The following FAM210A variants were observed in gnomAD, a reference collection of about 807,000 sequenced individuals.
The protein encoded by FAM210A is family with sequence similarity 210 member A.
A neutral mutation model predicts 25.3 loss-of-function variants in FAM210A; 13 were observed. The observed-to-expected ratio is 0.51, with a 90% confidence interval of 0.33 to 0.82. The LOEUF (loss-of-function observed/expected upper bound fraction) is 0.82, where lower values mean the gene tolerates loss of function less well. Among genes scored for constraint, FAM210A ranks in the 40% least tolerant of loss-of-function variants. The pLI is 0.02. For synonymous variants in FAM210A, 125 were observed against 118.7 expected, an observed-to-expected ratio of 1.05 and a Z score of -0.35; for missense variants, 319 against 323.2, an observed-to-expected ratio of 0.99 and a Z score of 0.10.
intron 1 of FAM210A, among the ~76,000 whole-genome samples, chr18:13,698,122 GC>G (rs1601958261): frequency 6.6e-6 from 1 of 152,038 alleles, no homozygotes; most frequent in Admixed American, 6.5e-5. Flanking sequence ...GGAGGCTGAG[GC>G]AGGTGGCTCA....
At chr18:13,700,723 C>G (rs2043732466) in intron 1 of FAM210A, among the ~76,000 whole-genome samples, 2 of 152,182 alleles carry the variant, frequency 1.3e-5, no homozygotes, top group South Asian at 4.1e-4. Context: ...CTCCATACTT[C>G]TATATTTGAG....
At chr18:13,699,655 A>C (rs1040439134) in intron 1 of FAM210A, among the ~76,000 whole-genome samples, 5 of 152,206 alleles carry the variant, frequency 3.3e-5, no homozygotes, top group Admixed American at 6.5e-5. Context: ...GGTTGCAGGA[A>C]GAATGGAGGC....
intron 3 of FAM210A, among the ~76,000 whole-genome samples, chr18:13,671,397 A>G (rs1242194527): frequency 1.3e-5 from 2 of 152,228 alleles, no homozygotes; most frequent in Non-Finnish European, 2.9e-5. Context: ...TAAAATAATT[A>G]TATCTCCATT....
intron 1 of FAM210A, among the ~76,000 whole-genome samples, chr18:13,697,050 C>A (rs1450677415): frequency 2.6e-5 from 4 of 152,192 alleles, no homozygotes; most frequent in Admixed American, 2.6e-4. Context: ...CAATTGCTTA[C>A]AGTATTCAGT....
intron 2 of FAM210A, among the ~76,000 whole-genome samples, chr18:13,681,302 A>G (rs1218616709): frequency 1.3e-5 from 2 of 152,180 alleles, no homozygotes; most frequent in Non-Finnish European, 1.5e-5. Flanking sequence ...GGAAAAGCTG[A>G]ACTATTTTTA....
In FAM210A at chr18:13,685,234, C is replaced by T. The variant is rs184515460; in HGVS notation, c.-28-3129G>A. Among the ~76,000 whole-genome samples the T allele has an allele frequency of 6.6e-5, 10 of 151,710 alleles. No homozygotes were observed. The East Asian group carries it at 1.9e-3, about 29-fold the overall frequency. On this transcript the variant is annotated intron_variant, in intron 1 of 3. Transcript: ENST00000651643. ...TCACATGACAGATAGAGAAGGAAAT[C>T]AAAATATCTTACCCCAAAACACGTT...
At chr18:13,672,787 A>G (rs2043454496) in intron 2 of FAM210A, among the ~76,000 whole-genome samples, 1 of 152,250 alleles carries the variant, frequency 6.6e-6, no homozygotes, top group Non-Finnish European at 1.5e-5. Context: ...GTTATTATGC[A>G]AAGAATAAAC....
At chr18:13,693,490 C>A (rs2043667079) in intron 1 of FAM210A, among the ~76,000 whole-genome samples, 1 of 152,174 alleles carries the variant, frequency 6.6e-6, no homozygotes, top group African/African-American at 2.4e-5. Context: ...ATGGAAAAGT[C>A]CTCAATAAAA....
At chr18:13,682,232 A>C in intron 1 of FAM210A, 127 bp from the exon 2 acceptor site, 1 of 661,614 alleles carries the variant, frequency 1.5e-6, no homozygotes, top group East Asian at 2.8e-5. Context: ...ATCCACAAAA[A>C]CTGATGTTAG....
chr18:13,690,782 T>C lies in FAM210A; in HGVS notation c.-28-8677A>G, dbSNP rs577784897. Among the ~76,000 whole-genome samples, 7 of 152,166 alleles carry C rather than the reference T, an allele frequency of 4.6e-5. No homozygotes were observed. In the South Asian group the frequency reaches 1.2e-3, roughly 27 times the overall value. On this transcript the variant is annotated intron_variant, in intron 1 of 3. Transcript: ENST00000651643. ...CACCATCATCAAGACCAAAGGTAGATAAAACAACAAAGAAGGGGAGAAACC... is the reference window on the plus strand; with the variant it reads ...CACCATCATCAAGACCAAAGGTAGACAAAACAACAAAGAAGGGGAGAAACC...
chr18:13,680,864 T>C (rs1466975562), intron 2 of FAM210A, among the ~76,000 whole-genome samples: 3 of 152,154 alleles, frequency 2.0e-5, no homozygotes, highest in African/African-American at 7.2e-5. Flanking sequence ...AGCAAATAAC[T>C]TACCTTAAGG....
chr18:13,687,489 C>T (rs34322650), intron 1 of FAM210A, among the ~76,000 whole-genome samples: 4 of 152,078 alleles, frequency 2.6e-5, no homozygotes, highest in South Asian at 2.1e-4. Context: ...ACGAGTGAGC[C>T]GGGCACATGC....
chr18:13,673,087 C>A (rs1219036967), intron 2 of FAM210A, among the ~76,000 whole-genome samples: 1 of 151,054 alleles, frequency 6.6e-6, no homozygotes, highest in Middle Eastern at 3.6e-3. Flanking sequence ...TTCTTTATTT[C>A]CAATTTTCTG....
At chr18:13,690,965 A>G (rs372203156) in intron 1 of FAM210A, among the ~76,000 whole-genome samples, 7 of 152,232 alleles carry the variant, frequency 4.6e-5, no homozygotes, top group Admixed American at 2.0e-4. Context: ...TCCAAGCTAA[A>G]GGAAGATGTT....
At chr18:13,690,343 C>T (rs979558907) in intron 1 of FAM210A, among the ~76,000 whole-genome samples, 1 of 152,228 alleles carries the variant, frequency 6.6e-6, no homozygotes, top group Non-Finnish European at 1.5e-5. Context: ...CATAGCCGAA[C>T]AAAAGGCAGC....
chr18:13,713,160 A>C (rs1297476491), intron 1 of FAM210A, among the ~76,000 whole-genome samples: 12 of 152,242 alleles, frequency 7.9e-5, no homozygotes. Context: ...TTACCAATAA[A>C]AAATTTAACT....
intron 1 of FAM210A, among the ~76,000 whole-genome samples, chr18:13,722,156 C>T (rs919985587): frequency 2.0e-5 from 3 of 151,958 alleles, no homozygotes; most frequent in Non-Finnish European, 2.9e-5. Context: ...GACTGCCCAA[C>T]GAGTTCTCTT....
intron 1 of FAM210A, among the ~76,000 whole-genome samples, chr18:13,722,989 T>C (rs546571277): frequency 2.4e-4 from 37 of 152,196 alleles, no homozygotes; most frequent in African/African-American, 8.7e-4. Context: ...GATCATCCTT[T>C]TCTTTTCTCA....
intron 1 of FAM210A, among the ~76,000 whole-genome samples, chr18:13,688,062 T>G (rs2043611401): frequency 6.6e-6 from 1 of 152,118 alleles, no homozygotes; most frequent in Non-Finnish European, 1.5e-5. Context: ...ACTGATAATG[T>G]CGATTACTAG....
Sources: gnomAD v4.1 joint callset for allele counts (sites outside exome capture counted in the v4.1 genomes callset) on GRCh38, gnomAD v4.1.1 for gene constraint, MANE v1.5 for transcripts, NCBI Gene and HGNC (gene_info 2026-07-23, HGNC 2026-07-21) for gene names.